The following ARHGAP24 variants were observed in gnomAD, a reference collection of about 807,000 sequenced individuals.
ARHGAP24 encodes Rho GTPase activating protein 24.
A neutral mutation model predicts 76.4 loss-of-function variants in ARHGAP24; 50 were observed. That is an observed-to-expected ratio of 0.65 (90% CI 0.52 to 0.83). The LOEUF (loss-of-function observed/expected upper bound fraction) is 0.83. Among genes scored for constraint, ARHGAP24 ranks in the 40% least tolerant of loss-of-function variants. ARHGAP24 has a pLI of 0.00. For synonymous variants in ARHGAP24, 345 were observed against 323.3 expected, an observed-to-expected ratio of 1.07 and a Z score of -0.72; for missense variants, 930 against 914.2, an observed-to-expected ratio of 1.02 and a Z score of -0.22.
chr4:85,528,698 A>G (rs147477852), intron 1 of ARHGAP24, among the ~76,000 whole-genome samples: 69 of 152,246 alleles, frequency 4.5e-4, no homozygotes, highest in Admixed American at 1.6e-3. Flanking sequence ...AAGTTCAAAC[A>G]GATTAATATT....
intron 2 of ARHGAP24, among the ~76,000 whole-genome samples, chr4:85,683,125 G>GGGGGGGGGT (rs1553922590): frequency 2.8e-5 from 3 of 107,650 alleles, no homozygotes; most frequent in Admixed American, 1.0e-4. Flanking sequence ...GGTGGGGGGG[G>GGGGGGGGGT]GGTGCGGGGG....
At chr4:85,643,650 G>T (rs946646996) in intron 2 of ARHGAP24, among the ~76,000 whole-genome samples, 1 of 151,966 alleles carries the variant, frequency 6.6e-6, no homozygotes, top group Non-Finnish European at 1.5e-5. Context: ...TCTCCCACGG[G>T]GGAATAAAAT....
intron 2 of ARHGAP24, among the ~76,000 whole-genome samples, chr4:85,677,898 G>A (rs1253458471): frequency 1.3e-5 from 2 of 152,122 alleles, no homozygotes; most frequent in Non-Finnish European, 2.9e-5. Context: ...GAATTAGCCA[G>A]ACATGGGGCC....
chr4:85,546,282 C>T (rs1994071), intron 1 of ARHGAP24, among the ~76,000 whole-genome samples: 18,344 of 151,386 alleles, frequency 0.12, 3,124 homozygotes, highest in African/African-American at 0.38. Flanking sequence ...ACAACATATA[C>T]AGGTCCAGTG....
intron 3 of ARHGAP24, among the ~76,000 whole-genome samples, chr4:85,912,340 C>T (rs1012927957): frequency 6.6e-6 from 1 of 152,128 alleles, no homozygotes; most frequent in Non-Finnish European, 1.5e-5. Flanking sequence ...TGCTCTCCCA[C>T]ACATATACAC....
At chr4:85,570,889 A>G in intron 2 of ARHGAP24, 168 bp downstream of exon 2, 1 of 750,972 alleles carries the variant, frequency 1.3e-6, no homozygotes, top group Non-Finnish European at 2.1e-6. Context: ...GGAGATAATA[A>G]AATCGCTAAT....
rs549175260 is a variant in ARHGAP24, at chr4:85,502,866, GTTC to G, written c.-21+27310_-21+27312del. On this transcript the variant is annotated intron_variant, in intron 1 of 9. Coordinates refer to ENST00000395184, the MANE Select transcript of ARHGAP24 (RefSeq NM_001025616.3). ...ATATTGGCTTTGTTTGTCATAAATA[GTTC>G]TTATTATTTTGAGATATGTTCCATC... Among the ~76,000 whole-genome samples the G allele has an allele frequency of 8.9e-3, 1,358 of 152,240 alleles. 13 individuals carry two copies. Among genetic ancestry groups the G allele is most frequent in the African/African-American group, 0.031 (1,278 of 41,524 alleles).
At chr4:85,500,924 A>T (rs552163022) in intron 1 of ARHGAP24, among the ~76,000 whole-genome samples, 20 of 151,138 alleles carry the variant, frequency 1.3e-4, no homozygotes, top group South Asian at 6.3e-4. Context: ...CCAGTGTCCA[A>T]GTGTTCTCAT....
At chr4:85,974,865 T>C in intron 6 of ARHGAP24, 23 bp from the exon 7 acceptor site, 5 of 1,604,664 alleles carry the variant, frequency 3.1e-6, no homozygotes, top group Non-Finnish European at 3.4e-6. Flanking sequence ...AAAAATAATA[T>C]TTATTTTCTT....
intron 3 of ARHGAP24, among the ~76,000 whole-genome samples, chr4:85,758,140 C>G (rs908462637): frequency 2.0e-5 from 3 of 152,140 alleles, no homozygotes; most frequent in African/African-American, 7.2e-5. Flanking sequence ...GTGATCTATG[C>G]TTGTAAGTAT....
chr4:85,610,267 C>A (rs748816806), intron 2 of ARHGAP24, among the ~76,000 whole-genome samples: 1 of 151,614 alleles, frequency 6.6e-6, no homozygotes, highest in Non-Finnish European at 1.5e-5. Flanking sequence ...CACGGTGAAA[C>A]CTTGTCTCTA....
At chr4:85,659,827 A>T (rs1414452019) in intron 2 of ARHGAP24, among the ~76,000 whole-genome samples, 2 of 152,204 alleles carry the variant, frequency 1.3e-5, no homozygotes, top group Non-Finnish European at 2.9e-5. Flanking sequence ...TTCCTCCCCT[A>T]TTCTGGATCC....
intron 3 of ARHGAP24, among the ~76,000 whole-genome samples, chr4:85,871,118 G>A (rs1303811711): frequency 6.6e-6 from 1 of 152,058 alleles, no homozygotes; most frequent in Non-Finnish European, 1.5e-5. Flanking sequence ...TAAGGCATGT[G>A]TATAATTCTA....
intron 2 of ARHGAP24, among the ~76,000 whole-genome samples, chr4:85,712,186 T>A (rs1724555205): frequency 6.6e-6 from 1 of 152,160 alleles, no homozygotes; most frequent in Non-Finnish European, 1.5e-5. Context: ...GCCTTGGGGT[T>A]CCAAGGACAT....
chr4:85,682,533 T>C (rs536792467), intron 2 of ARHGAP24, among the ~76,000 whole-genome samples: 1 of 152,266 alleles, frequency 6.6e-6, no homozygotes, highest in South Asian at 2.1e-4. Flanking sequence ...CAAACAGCAT[T>C]GTTTTGGGAG....
rs149777733 is a variant in ARHGAP24, at chr4:85,731,391, T to A, written c.268+9419T>A. Among the ~76,000 whole-genome samples, 15 of 152,344 alleles carry A rather than the reference T, an allele frequency of 9.8e-5. No homozygotes were observed. The East Asian group carries it at 2.9e-3, about 29-fold the overall frequency. ...TTGGAAGCTCTTGAGAAGAGACACC[T>A]TCTATCCCTACTGCCTAGCAGAGTG... On this transcript the variant is annotated intron_variant, in intron 3 of 9. Coordinates refer to ENST00000395184, the MANE Select transcript of ARHGAP24 (RefSeq NM_001025616.3).
chr4:85,557,022 C>G (rs1726405248), intron 1 of ARHGAP24, among the ~76,000 whole-genome samples: 1 of 152,118 alleles, frequency 6.6e-6, no homozygotes, highest in Admixed American at 6.5e-5. Context: ...TGGGAGAGTC[C>G]CGAGTCACTG....
At chr4:85,483,819 G>A (rs1281828347) in intron 1 of ARHGAP24, among the ~76,000 whole-genome samples, 1 of 152,084 alleles carries the variant, frequency 6.6e-6, no homozygotes, top group African/African-American at 2.4e-5. Flanking sequence ...ACCAGGACCA[G>A]CAGCATCAGT....
chr4:85,969,142 T>TA (rs1578445793), intron 5 of ARHGAP24, among the ~76,000 whole-genome samples: 2 of 152,260 alleles, frequency 1.3e-5, no homozygotes, highest in South Asian at 4.1e-4. Flanking sequence ...TCACAATTTT[T>TA]ACACCATCCC....
Sources: allele counts gnomAD v4.1 joint callset (sites outside exome capture counted in the v4.1 genomes callset), GRCh38; gene constraint gnomAD v4.1.1; transcripts MANE v1.5; gene names NCBI Gene and HGNC (gene_info 2026-07-23, HGNC 2026-07-21).